Variants in TASP1 observed in about 807,000 individuals in gnomAD.
TASP1 encodes the protein threonine aspartase 1.
A neutral mutation model predicts 56.6 loss-of-function variants in TASP1; 16 were observed. That is an observed-to-expected ratio of 0.28 (90% CI 0.19 to 0.43). The LOEUF is 0.43. TASP1 is among the 20% of genes least tolerant of loss of function. The probability of loss-of-function intolerance (pLI) is 1.00; values close to 1 mark genes in which losing one functional copy is unlikely to be tolerated. For synonymous variants in TASP1, 179 were observed against 184.2 expected (o/e 0.97, Z 0.23); for missense variants, 393 against 511.6 (o/e 0.77, Z 2.24).
At chr20:13,266,938 G>A in the TASP1 span, among the ~76,000 whole-genome samples, 1 of 152,202 alleles carries the variant, frequency 6.6e-6, no homozygotes, top group East Asian at 1.9e-4. Flanking sequence ...CAAGGAGGAT[G>A]TGCAGTAAGT....
chr20:13,234,177 C>T, the TASP1 span, among the ~76,000 whole-genome samples: 1 of 152,056 alleles, frequency 6.6e-6, no homozygotes, highest in African/African-American at 2.4e-5. Context: ...CCGTGTATGC[C>T]CATTGTTTAG....
chr20:13,417,432 G>GT lies in TASP1; in HGVS notation c.1170+15dup, dbSNP rs769416862. ...GCTACAAGGTTTTCAGGTTATGACCGTTTTTTCCCACTTACCTTGGCTTTC... is the reference window on the plus strand; with the variant it reads ...GCTACAAGGTTTTCAGGTTATGACCGTTTTTTTCCCACTTACCTTGGCTTTC... On this transcript the variant is annotated intron_variant, in intron 13 of 13. Coordinates refer to ENST00000337743, the MANE Select transcript of TASP1 (RefSeq NM_017714.3). 9.3e-6 allele frequency: 15 copies of GT among 1,613,698 alleles called. No homozygotes were observed. The highest frequency in any genetic ancestry group is 1.2e-5 in the Non-Finnish European group (14 of 1,179,842).
At chr20:13,254,465 G>A in the TASP1 span, among the ~76,000 whole-genome samples, 10 of 151,672 alleles carry the variant, frequency 6.6e-5, no homozygotes, top group Non-Finnish European at 1.2e-4. Flanking sequence ...CCTGCCCCCC[G>A]CATCTCCTGC....
At chr20:13,380,977 G>A in the TASP1 span, among the ~76,000 whole-genome samples, 1 of 152,226 alleles carries the variant, frequency 6.6e-6, no homozygotes, top group South Asian at 2.1e-4. Flanking sequence ...TGCTGGCAGT[G>A]AGAATTTCAA....
chr20:13,217,004 G>A, the TASP1 span, among the ~76,000 whole-genome samples: 2 of 152,134 alleles, frequency 1.3e-5, no homozygotes, highest in Non-Finnish European at 2.9e-5. Context: ...AGGTTTTGGG[G>A]AACACAGAAC....
chr20:13,634,627 G>GGTTGAGACA lies in TASP1; in HGVS notation c.-75+4258_-75+4266dup, dbSNP rs552143081. ...CGCCTGTAATCCCAGCTACTCGGGA[G>GGTTGAGACA]GTTGAGACAGGAGAATCGCTTGAAC... is the stretch of plus-strand genomic sequence containing the variant. On this transcript the variant is annotated intron_variant, in intron 1 of 13. Coordinates refer to ENST00000337743, the MANE Select transcript of TASP1 (RefSeq NM_017714.3). 1.1e-4 allele frequency among the ~76,000 whole-genome samples: 16 copies of GGTTGAGACA among 152,024 alleles called. No individual in the cohort carries two copies. In the South Asian group the frequency reaches 2.3e-3, roughly 22 times the overall value.
intron 10 of TASP1, among the ~76,000 whole-genome samples, chr20:13,486,186 A>G (rs1383368672): frequency 6.6e-6 from 1 of 152,186 alleles, no homozygotes; most frequent in Non-Finnish European, 1.5e-5. Context: ...ATATGCTGCC[A>G]TAGAGCTGAA....
At chr20:13,294,090 G>A in the TASP1 span, among the ~76,000 whole-genome samples, 1 of 152,244 alleles carries the variant, frequency 6.6e-6, no homozygotes, top group African/African-American at 2.4e-5. Flanking sequence ...GGTCGGCCAT[G>A]ATGTGGCCGC....
chr20:13,227,118 C>T, the TASP1 span, among the ~76,000 whole-genome samples: 2 of 152,162 alleles, frequency 1.3e-5, no homozygotes, highest in Non-Finnish European at 2.9e-5. Context: ...GCAACTTCTG[C>T]TCTTTCTTCC....
the TASP1 span, chr20:13,117,868 C>G: frequency 1.4e-6 from 1 of 719,892 alleles, no homozygotes; most frequent in Non-Finnish European, 2.2e-6. Flanking sequence ...AGTGGGTTCA[C>G]AGCCAGATAA....
chr20:13,252,840 T>C, the TASP1 span, among the ~76,000 whole-genome samples: 1 of 152,142 alleles, frequency 6.6e-6, no homozygotes, highest in Admixed American at 6.5e-5. Flanking sequence ...TTTTCTCCAC[T>C]CTCTCTTGTC....
intron 10 of TASP1, among the ~76,000 whole-genome samples, chr20:13,526,533 A>G (rs1037718544): frequency 1.2e-4 from 18 of 152,188 alleles, no homozygotes; most frequent in Admixed American, 5.9e-4. Context: ...ATTAACTCAT[A>G]TTATTACATT....
chr20:13,483,414 C>A, intron 10 of TASP1, 77 bp from the exon 11 acceptor site: 2 of 866,878 alleles, frequency 2.3e-6, no homozygotes, highest in South Asian at 2.9e-5. Context: ...ATTAGAACAC[C>A]CTTATGCATC....
At chr20:13,105,312 G>A in the TASP1 span, among the ~76,000 whole-genome samples, 1 of 151,946 alleles carries the variant, frequency 6.6e-6, no homozygotes, top group African/African-American at 2.4e-5. Context: ...CAAGAATCCT[G>A]GTGTGTTGAC....
chr20:13,436,286 C>T (rs2042998216), intron 11 of TASP1, among the ~76,000 whole-genome samples: 1 of 151,622 alleles, frequency 6.6e-6, no homozygotes, highest in African/African-American at 2.4e-5. Context: ...TCCTCTAGAC[C>T]AGAGGTTGTC....
At chr20:13,329,253 GT>G in the TASP1 span, among the ~76,000 whole-genome samples, 1 of 152,188 alleles carries the variant, frequency 6.6e-6, no homozygotes, top group Non-Finnish European at 1.5e-5. Flanking sequence ...TGGAGATAGG[GT>G]TTTTAAGGAG....
chr20:13,387,183 C>CTTTTTTTTTTT (rs1568732036), downstream of TASP1, among the ~76,000 whole-genome samples: 1 of 94,960 alleles, frequency 1.1e-5, no homozygotes, highest in African/African-American at 5.0e-5. Flanking sequence ...GACATGATTT[C>CTTTTTTTTTTT]ATTTTTTTTT....
chr20:13,314,891 G>A, the TASP1 span, among the ~76,000 whole-genome samples: 1 of 151,942 alleles, frequency 6.6e-6, no homozygotes, highest in Non-Finnish European at 1.5e-5. Flanking sequence ...ATAATACAAG[G>A]GATGAGATGG....
At chr20:13,213,069 C>G in the TASP1 span, among the ~76,000 whole-genome samples, 7,505 of 152,206 alleles carry the variant, frequency 0.049, 487 homozygotes, top group East Asian at 0.19. Context: ...TCTTTCTCTG[C>G]TGAGGAATGG....
Sources: gnomAD v4.1 joint callset for allele counts (sites outside exome capture counted in the v4.1 genomes callset) on GRCh38, gnomAD v4.1.1 for gene constraint, MANE v1.5 for transcripts, NCBI Gene and HGNC (gene_info 2026-07-23, HGNC 2026-07-21) for gene names.